Variants in TRIM48 observed in about 807,000 individuals in gnomAD.
TRIM48 encodes E3 ubiquitin-protein ligase TRIM48.
TRIM48 carries 31 observed loss-of-function variants against 29.5 expected under a neutral mutation model. That is an observed-to-expected ratio of 1.05 (90% CI 0.79 to 1.42). TRIM48 has a LOEUF of 1.42. Ranked by LOEUF, TRIM48 falls within the 40% of genes most tolerant of loss-of-function variation. TRIM48 has a pLI of 0.00. For missense variants in TRIM48, 344 were observed against 265.0 expected (o/e 1.30, Z -2.07); for synonymous variants, 128 against 90.6 (o/e 1.41, Z -2.34).
At chr11:55,267,971 G>A (rs3862653) in intron 3 of TRIM48, among the ~76,000 whole-genome samples, 19,142 of 147,318 alleles carry the variant, frequency 0.13, 2,724 homozygotes, top group African/African-American at 0.17. Context: ...AGGTTAATTT[G>A]AGGACATGGC....
chr11:55,262,186 G>C lies in TRIM48; in HGVS notation c.-82G>C, dbSNP rs1384065407. The C allele has an allele frequency of 4.6e-6, 5 of 1,077,788 alleles. No individual in the cohort carries two copies. In the African/African-American group the frequency reaches 4.7e-5, roughly 10 times the overall value. The allele number at this position is 1,077,788 out of a possible 1,614,324, so 66.8% of individuals were successfully genotyped here. On this transcript the variant is annotated 5_prime_UTR_variant, in exon 1 of 6. Coordinates refer to ENST00000417545, the MANE Select transcript of TRIM48 (RefSeq NM_024114.5). ...CTCCAAAGGAGAAGGAGTGCACTTA[G>C]AGGGAGCTGTGTTTTGGTGACCTCT... is the stretch of plus-strand genomic sequence containing the variant.
chr11:55,270,385 G>A (rs1166275653), intron 5 of TRIM48, 52 bp from the exon 6 acceptor site: 1 of 1,349,108 alleles, frequency 7.4e-7, no homozygotes, highest in Non-Finnish European at 1.0e-6. Flanking sequence ...ACATGCCTAT[G>A]CATGTTTTCT....
Position 55,270,742 on chromosome 11 carries a change from T to C in TRIM48, c.*307T>C, listed in dbSNP as rs188726270. The C allele has an allele frequency of 1.3e-6, 2 of 1,564,436 alleles. No individual in the cohort carries two copies. The highest frequency in any genetic ancestry group is 1.7e-6 in the Non-Finnish European group (2 of 1,149,016). ...TGGGTGTGTTAAGAACGACATTCAG[T>C]GCAGTCTCTTTACCACCTCCCCAAT... On this transcript the variant is annotated 3_prime_UTR_variant, in exon 6 of 6. Coordinates refer to ENST00000417545, the MANE Select transcript of TRIM48 (RefSeq NM_024114.5).
chr11:55,270,638 C>T lies in TRIM48; in HGVS notation c.*203C>T. ...CATGTGGGGGACTCTTGGAATTGGG[C>T]TTTTGGTGTCTGTAATAAGTATTGG... is the stretch of plus-strand genomic sequence containing the variant. On this transcript the variant is annotated 3_prime_UTR_variant, in exon 6 of 6. Coordinates refer to ENST00000417545, the MANE Select transcript of TRIM48 (RefSeq NM_024114.5). 2.5e-6 allele frequency: 4 copies of T among 1,580,888 alleles called. No homozygotes were observed. The highest frequency in any genetic ancestry group is 4.8e-5 in the East Asian group (2 of 41,348).
At chr11:55,270,102 C>T (rs1254580806) in intron 5 of TRIM48, among the ~76,000 whole-genome samples, 1 of 148,064 alleles carries the variant, frequency 6.8e-6, no homozygotes, top group Non-Finnish European at 1.5e-5. Flanking sequence ...AGAAACATTT[C>T]TAAATAAAGA....
chr11:55,263,280 G>T (rs557810263), intron 1 of TRIM48, among the ~76,000 whole-genome samples: 1 of 152,094 alleles, frequency 6.6e-6, no homozygotes, highest in Non-Finnish European at 1.5e-5. Flanking sequence ...AGGAGCAATA[G>T]GCTGTACTGT....
intron 1 of TRIM48, 142 bp from the exon 2 acceptor site, chr11:55,264,758 T>C: frequency 2.2e-6 from 3 of 1,373,844 alleles, no homozygotes; most frequent in East Asian, 5.1e-5. Context: ...GAGATTTTTA[T>C]TTTTGTTACA....
chr11:55,267,178 C>G (rs1357883389), intron 3 of TRIM48, among the ~76,000 whole-genome samples: 3 of 146,420 alleles, frequency 2.0e-5, no homozygotes, highest in African/African-American at 7.5e-5. Context: ...TTTTTATTTC[C>G]AACTATCTTA....
intron 4 of TRIM48, 107 bp downstream of exon 4, chr11:55,268,479 T>C: frequency 8.7e-7 from 1 of 1,151,080 alleles, no homozygotes; most frequent in Non-Finnish European, 1.2e-6. Flanking sequence ...GATACTATTT[T>C]TTTTTGCATC....
At position 55,262,280 on chromosome 11, in the gene TRIM48, A is replaced by T. The variant is rs1405770427; in HGVS notation, c.13A>T (p.Ile5Phe). The T allele has an allele frequency of 6.5e-7, 1 of 1,548,878 alleles. No homozygotes were observed. The highest frequency in any genetic ancestry group is 2.4e-5 in the East Asian group (1 of 40,882). Residue 5 changes from isoleucine (I) to phenylalanine (F), a missense_variant, in exon 1 of 6, where the codon ATC becomes TTC. Transcript: ENST00000417545. MSRR[I>F]IVGTLQRTQR... ...ACTTAACAGAATTATGTCTCGAAGA[A>T]TCATTGTGGGAACCCTTCAAAGAAC...
At chr11:55,264,844 C>T in intron 1 of TRIM48, 56 bp from the exon 2 acceptor site, 1 of 1,575,908 alleles carries the variant, frequency 6.3e-7, no homozygotes, top group Admixed American at 1.7e-5. Flanking sequence ...TCCACATGTT[C>T]AGAAGCTTTT....
At chr11:55,268,287 T>G in intron 3 of TRIM48, 63 bp from the exon 4 acceptor site, 3 of 1,375,800 alleles carry the variant, frequency 2.2e-6, no homozygotes, top group Non-Finnish European at 2.0e-6. Flanking sequence ...AATTTCACAC[T>G]GAACTTAATG....
At chr11:55,263,802 G>A (rs1425312385) in intron 1 of TRIM48, among the ~76,000 whole-genome samples, 5 of 152,194 alleles carry the variant, frequency 3.3e-5, no homozygotes, top group African/African-American at 1.2e-4. Flanking sequence ...CCAAATATAG[G>A]CTGTCTTTAA....
intron 1 of TRIM48, among the ~76,000 whole-genome samples, chr11:55,263,249 C>G (rs149474527): frequency 2.0e-5 from 3 of 152,030 alleles, no homozygotes; most frequent in African/African-American, 7.3e-5. Context: ...GTATAGAACA[C>G]GCTGTACAGT....
rs1857469538 is a variant in TRIM48 at position 55,270,627 on chromosome 11, T to C, written c.*192T>C. 1 of 1,582,418 alleles carries C rather than the reference T, an allele frequency of 6.3e-7. No individual in the cohort carries two copies. Among genetic ancestry groups the C allele is most frequent in the Admixed American group, 1.7e-5 (1 of 58,282 alleles). Reference sequence around the variant, plus strand: ...ACTGGGAGGTCCATGTGGGGGACTCTTGGAATTGGGCTTTTGGTGTCTGTA... The same window carrying C: ...ACTGGGAGGTCCATGTGGGGGACTCCTGGAATTGGGCTTTTGGTGTCTGTA... On this transcript the variant is annotated 3_prime_UTR_variant, in exon 6 of 6. Transcript: ENST00000417545.
chr11:55,270,884 A>C lies in TRIM48; in HGVS notation c.*449A>C. 1.3e-5 allele frequency: 21 copies of C among 1,561,652 alleles called. 1 individual carries two copies. Among genetic ancestry groups the C allele is most frequent in the Non-Finnish European group, 1.7e-5 (20 of 1,148,000 alleles). On this transcript the variant is annotated 3_prime_UTR_variant, in exon 6 of 6. Transcript: ENST00000417545. The stretch of plus-strand genomic sequence containing the variant: ...AGCTCCCCTATATACACCATCCCTA[A>C]TTGCTCCTTCTCACTTCCTCTCAGA...
At chr11:55,268,207 C>A in intron 3 of TRIM48, 143 bp from the exon 4 acceptor site, 1 of 791,726 alleles carries the variant, frequency 1.3e-6, no homozygotes, top group Non-Finnish European at 2.0e-6. Flanking sequence ...TTTTTCATTA[C>A]AGAAGAAATA....
At chr11:55,269,966 A>G (rs61894895) in intron 5 of TRIM48, among the ~76,000 whole-genome samples, 6,833 of 147,934 alleles carry the variant, frequency 0.046, 776 homozygotes, top group Non-Finnish European at 0.07. Flanking sequence ...ATTTTGCAGA[A>G]ATCTGCTTCA....
chr11:55,268,911 C>G lies in TRIM48; in HGVS notation c.579-331C>G, dbSNP rs1010372725. Reference sequence around the variant, plus strand: ...ATGCAGCAGTCTCCCCAGAACCCCTCTATTTCAGACAAAGATGTCAGGGGA... The same window carrying G: ...ATGCAGCAGTCTCCCCAGAACCCCTGTATTTCAGACAAAGATGTCAGGGGA... On this transcript the variant is annotated intron_variant, in intron 4 of 5. Transcript: ENST00000417545. Among the ~76,000 whole-genome samples the G allele has an allele frequency of 8.8e-5, 13 of 147,788 alleles. 2 individuals are homozygous for G. Among genetic ancestry groups the G allele is most frequent in the South Asian group, 7.3e-4 (3 of 4,124 alleles).
Sources: allele counts gnomAD v4.1 joint callset (sites outside exome capture counted in the v4.1 genomes callset), GRCh38; gene constraint gnomAD v4.1.1; transcripts MANE v1.5; gene names NCBI Gene and HGNC (gene_info 2026-07-23, HGNC 2026-07-21).